The following SLC29A4 variants were observed in gnomAD, a reference collection of about 807,000 sequenced individuals.
SLC29A4 encodes solute carrier family 29 member 4.
Under a neutral mutation model 43.9 loss-of-function variants are expected in SLC29A4, and 36 were observed. The observed-to-expected ratio is 0.82, with a 90% CI of 0.63 to 1.08. The LOEUF is 1.08. Among genes scored for constraint, SLC29A4 ranks in the 50% least tolerant of loss-of-function variants. SLC29A4 has a pLI of 0.00. For synonymous variants in SLC29A4, 491 were observed against 338.0 expected (o/e 1.45, Z -4.97); for missense variants, 869 against 755.3 (o/e 1.15, Z -1.77).
intron 2 of SLC29A4, among the ~76,000 whole-genome samples, chr7:5,289,424 A>G (rs1785168643): frequency 6.6e-6 from 1 of 152,036 alleles, no homozygotes. Flanking sequence ...TTGGCTGACT[A>G]AAGTGGGAGC....
At chr7:5,297,442 C>T (rs1454661841) in intron 7 of SLC29A4, among the ~76,000 whole-genome samples, 2 of 152,246 alleles carry the variant, frequency 1.3e-5, no homozygotes, top group Non-Finnish European at 2.9e-5. Flanking sequence ...GTCCGGGGAT[C>T]TGCCCAGCTG....
intron 6 of SLC29A4, 53 bp from the exon 7 acceptor site, chr7:5,296,883 C>A: frequency 7.1e-7 from 1 of 1,410,458 alleles, no homozygotes; most frequent in Non-Finnish European, 9.5e-7. Context: ...CGGGACGGGG[C>A]GGTGCAGGGA....
intron 5 of SLC29A4, 152 bp from the exon 6 acceptor site, chr7:5,294,708 T>G: frequency 1.3e-6 from 1 of 777,942 alleles, no homozygotes; most frequent in Non-Finnish European, 2.2e-6. Context: ...CTGGCTGGTG[T>G]TCCTACTGCT....
chr7:5,283,317 G>T lies in SLC29A4; in HGVS notation c.-9+235G>T, dbSNP rs561120739. Reference sequence around the variant, plus strand: ...CCCCTGGGCCCTCGCCATGGAGGGGGTCGGCGCCACCGCCTCCCTGAGCAC... The same window carrying T: ...CCCCTGGGCCCTCGCCATGGAGGGGTTCGGCGCCACCGCCTCCCTGAGCAC... On this transcript the variant is annotated intron_variant, in intron 1 of 10. Coordinates refer to ENST00000396872, the MANE Select transcript of SLC29A4 (RefSeq NM_153247.4). Among the ~76,000 whole-genome samples the T allele has an allele frequency of 4.1e-3, 618 of 151,912 alleles. 5 individuals carry two copies. The highest frequency in any genetic ancestry group is 0.014 in the African/African-American group (583 of 41,490).
intron 1 of SLC29A4, among the ~76,000 whole-genome samples, chr7:5,284,728 C>T (rs1273310115): frequency 6.6e-6 from 1 of 152,190 alleles, no homozygotes; most frequent in Non-Finnish European, 1.5e-5. Context: ...AGGGTCCCCA[C>T]CCCCTCCACC....
chr7:5,298,219 A>G (rs151186452), intron 7 of SLC29A4, among the ~76,000 whole-genome samples: 2,850 of 152,170 alleles, frequency 0.019, 87 homozygotes, highest in Admixed American at 0.076. Flanking sequence ...AGACCCAGAG[A>G]GGGGCCCAGG....
chr7:5,295,942 C>T (rs998056647), intron 6 of SLC29A4, among the ~76,000 whole-genome samples: 4 of 101,198 alleles, frequency 4.0e-5, no homozygotes, highest in African/African-American at 1.2e-4. Flanking sequence ...GGTGGCCCAC[C>T]ATGGCCCACC....
Position 5,300,682 on chromosome 7 carries a change from G to T in SLC29A4, c.1450+20G>T. 1 of 1,601,388 alleles carries T rather than the reference G, an allele frequency of 6.2e-7. No homozygotes were observed. The highest frequency in any genetic ancestry group is 8.5e-7 in the Non-Finnish European group (1 of 1,177,850). On this transcript the variant is annotated intron_variant, in intron 10 of 10. Transcript: ENST00000396872. ...TGGCAGGTGAGGCCCGCGGGACGTG[G>T]GGGTGGGGGCGTCCTCCCAGCAGCG...
rs772500738 is a variant in SLC29A4, at chr7:5,287,903, C to A, written c.87C>A (p.Asp29Glu). ...GCGTAGTGATGAGCTTCACCTTCGA[C>A]AGTCACCAGCTGGAGGAGGCGGCGG... is the stretch of plus-strand genomic sequence containing the variant. ...DPGVVMSFTF[D>E]SHQLEEAAEA... Residue 29 changes from aspartate to glutamate, a missense_variant, in exon 2 of 11, where the codon GAC becomes GAA. Transcript: ENST00000396872. The A allele has an allele frequency of 6.2e-7, 1 of 1,612,134 alleles. No homozygotes were observed. Among genetic ancestry groups the A allele is most frequent in the South Asian group, 1.1e-5 (1 of 90,998 alleles).
At chr7:5,294,344 A>G (rs1034096815) in intron 5 of SLC29A4, among the ~76,000 whole-genome samples, 4 of 152,094 alleles carry the variant, frequency 2.6e-5, no homozygotes, top group African/African-American at 9.7e-5. Context: ...TATTTTCCCT[A>G]GATCCTGATG....
intron 7 of SLC29A4, among the ~76,000 whole-genome samples, chr7:5,297,850 C>T (rs1408714774): frequency 3.9e-5 from 6 of 152,174 alleles, no homozygotes; most frequent in South Asian, 4.1e-4. Flanking sequence ...GCTTCCCTGT[C>T]ATAGCACAGA....
intron 10 of SLC29A4, among the ~76,000 whole-genome samples, chr7:5,302,568 G>T (rs1786240914): frequency 6.6e-6 from 1 of 152,206 alleles, no homozygotes; most frequent in Admixed American, 6.5e-5. Flanking sequence ...GGGGCTTGGG[G>T]GACTCAGAGA....
chr7:5,292,108 G>C (rs1480443431), intron 5 of SLC29A4, among the ~76,000 whole-genome samples: 1 of 152,206 alleles, frequency 6.6e-6, no homozygotes, highest in African/African-American at 2.4e-5. Context: ...TTGTCACCAT[G>C]TCACTGTTTA....
intron 9 of SLC29A4, among the ~76,000 whole-genome samples, chr7:5,300,088 C>T (rs1185015596): frequency 1.3e-5 from 2 of 151,900 alleles, no homozygotes; most frequent in Admixed American, 6.6e-5. Context: ...ATCACTCAGC[C>T]AGCCGTGGTG....
At position 5,306,871 on chromosome 7, in the gene SLC29A4, G is replaced by GAAAC. The variant is rs1786561356; in HGVS notation, c.*3934_*3937dup. On this transcript the variant is annotated 3_prime_UTR_variant, in exon 11 of 11. Transcript: ENST00000396872. ...TTTGCCAACAAACAAAATTCCAAAA[G>GAAAC]AAACATAAAAAAAAAAACCAATAAT... 2 of 98,718 alleles carry GAAAC rather than the reference G, an allele frequency of 2.0e-5. No individual in the cohort carries two copies. The highest frequency in any genetic ancestry group is 6.7e-4 in the South Asian group (2 of 2,964). The allele number at this position is 98,718 out of a possible 1,614,324, so 6.1% of individuals were successfully genotyped here. A position where few individuals can be genotyped will look rare whatever the true frequency, so the allele number is the denominator to read the frequency against.
intron 1 of SLC29A4, among the ~76,000 whole-genome samples, chr7:5,284,727 A>T (rs912117982): frequency 6.6e-6 from 1 of 151,988 alleles, no homozygotes; most frequent in Non-Finnish European, 1.5e-5. Flanking sequence ...CAGGGTCCCC[A>T]CCCCCTCCAC....
At chr7:5,285,292 A>T (rs907915122) in intron 1 of SLC29A4, among the ~76,000 whole-genome samples, 10 of 142,002 alleles carry the variant, frequency 7.0e-5, no homozygotes, top group Non-Finnish European at 1.5e-4. Flanking sequence ...CCAGCTCCAG[A>T]TGTGGCAGGA....
intron 9 of SLC29A4, 118 bp from the exon 10 acceptor site, chr7:5,300,304 C>A: frequency 2.0e-6 from 3 of 1,476,054 alleles, no homozygotes; most frequent in Non-Finnish European, 1.8e-6. Flanking sequence ...GGGGTGCAGG[C>A]TGAGCTGGAC....
At chr7:5,294,786 T>A in intron 5 of SLC29A4, 74 bp from the exon 6 acceptor site, 1 of 1,481,316 alleles carries the variant, frequency 6.8e-7, no homozygotes, top group South Asian at 1.1e-5. Flanking sequence ...ACCAACACAG[T>A]TCTCTAGTGC....
Sources: gnomAD v4.1 joint callset for allele counts (sites outside exome capture counted in the v4.1 genomes callset) on GRCh38, gnomAD v4.1.1 for gene constraint, MANE v1.5 for transcripts, NCBI Gene and HGNC (gene_info 2026-07-23, HGNC 2026-07-21) for gene names.